The following STAG1 variants were observed in gnomAD, a reference collection of about 807,000 sequenced individuals.
STAG1 encodes STAG1 cohesin complex component.
Under a neutral mutation model 170.9 loss-of-function variants are expected in STAG1, and 26 were observed. The observed-to-expected ratio is 0.15, with a 90% confidence interval of 0.11 to 0.21. STAG1 has a LOEUF of 0.21. Ranked by LOEUF, STAG1 falls within the 10% of genes least tolerant of loss-of-function variation. STAG1 has a pLI of 1.00. For missense variants in STAG1, 964 were observed against 1,509.5 expected, an observed-to-expected ratio of 0.64 and a Z score of 5.99; for synonymous variants, 514 against 497.7, an observed-to-expected ratio of 1.03 and a Z score of -0.44.
chr3:136,592,704 G>A (rs1938245122), intron 4 of STAG1, among the ~76,000 whole-genome samples: 1 of 152,110 alleles, frequency 6.6e-6, no homozygotes, highest in Admixed American at 6.5e-5. Flanking sequence ...ATACTTCATG[G>A]TGGGTAAAAG....
chr3:136,623,698 T>C (rs957406435), intron 2 of STAG1, among the ~76,000 whole-genome samples: 1 of 152,018 alleles, frequency 6.6e-6, no homozygotes, highest in African/African-American at 2.4e-5. Flanking sequence ...CTCATGCCTA[T>C]AAATCTCAGC....
At chr3:136,699,546 AATTT>A (rs1942986850) in intron 1 of STAG1, among the ~76,000 whole-genome samples, 1 of 151,638 alleles carries the variant, frequency 6.6e-6, no homozygotes, top group African/African-American at 2.4e-5. Context: ...CACCACGTCT[AATTT>A]ATTTTTTTTT....
At chr3:136,442,719 A>C (rs747739207) in intron 15 of STAG1, among the ~76,000 whole-genome samples, 68 of 152,094 alleles carry the variant, frequency 4.5e-4, no homozygotes, top group Non-Finnish European at 7.1e-4. Flanking sequence ...AAGTTACGTC[A>C]GTATTTTGTA....
intron 13 of STAG1, among the ~76,000 whole-genome samples, chr3:136,457,876 G>A (rs752208644): frequency 3.3e-5 from 5 of 151,968 alleles, no homozygotes; most frequent in East Asian, 1.9e-4. Context: ...TGGGAGGATC[G>A]CTTGAGCTTA....
At chr3:136,358,950 C>A (rs568294931) in intron 27 of STAG1, among the ~76,000 whole-genome samples, 198 bp downstream of exon 27, 1 of 152,296 alleles carries the variant, frequency 6.6e-6, no homozygotes, top group East Asian at 1.9e-4. Context: ...GCTTTCCATA[C>A]TTTGTAAGAT....
At chr3:136,477,457 T>G (rs764958715) in intron 9 of STAG1, 45 bp from the exon 10 acceptor site, 7 of 1,512,432 alleles carry the variant, frequency 4.6e-6, no homozygotes, top group Non-Finnish European at 6.2e-6. Flanking sequence ...TATACAAAGC[T>G]AGAATGCATT....
intron 16 of STAG1, among the ~76,000 whole-genome samples, chr3:136,432,408 A>G (rs9812579): frequency 0.17 from 25,241 of 151,162 alleles, 2,785 homozygotes; most frequent in Non-Finnish European, 0.24. Flanking sequence ...TTTCCTGAGT[A>G]TGGTCACATT....
intron 3 of STAG1, among the ~76,000 whole-genome samples, chr3:136,613,771 C>A (rs761997112): frequency 6.6e-6 from 1 of 152,058 alleles, no homozygotes; most frequent in Non-Finnish European, 1.5e-5. Context: ...TACAGGTGTG[C>A]GCCACTGTGC....
chr3:136,541,980 C>A (rs943704464), intron 6 of STAG1, 139 bp downstream of exon 6: 4 of 651,076 alleles, frequency 6.1e-6, no homozygotes, highest in Non-Finnish European at 7.9e-6. Context: ...GGAATTAGTA[C>A]CACAGATTAT....
chr3:136,702,381 T>A (rs545619160), intron 1 of STAG1, among the ~76,000 whole-genome samples: 10 of 152,256 alleles, frequency 6.6e-5, no homozygotes, highest in African/African-American at 2.2e-4. Flanking sequence ...AGTTATAAAA[T>A]CACTTACAAT....
chr3:136,574,473 C>T (rs1347668836), intron 4 of STAG1, among the ~76,000 whole-genome samples: 1 of 151,888 alleles, frequency 6.6e-6, no homozygotes, highest in Admixed American at 6.6e-5. Context: ...CATACACACA[C>T]ATATATACAT....
At chr3:136,559,043 C>T (rs184282505) in intron 5 of STAG1, among the ~76,000 whole-genome samples, 2 of 151,966 alleles carry the variant, frequency 1.3e-5, no homozygotes, top group East Asian at 1.9e-4. Flanking sequence ...CAGGTAGAGG[C>T]CAAAGGCACT....
chr3:136,723,284 G>A lies in STAG1; in HGVS notation c.-84+28911C>T, dbSNP rs530588006. On this transcript the variant is annotated intron_variant, in intron 1 of 33. Coordinates refer to ENST00000383202, the MANE Select transcript of STAG1 (RefSeq NM_005862.3). The stretch of plus-strand genomic sequence containing the variant: ...CCGGCCGCCATCCCATCTAGGAAGT[G>A]AGGAGCGTCTCTGCCCGGCCGCCCA... Among the ~76,000 whole-genome samples, 1,080 of 151,958 alleles carry A rather than the reference G, an allele frequency of 7.1e-3. 15 individuals are homozygous for A. Among genetic ancestry groups the A allele is most frequent in the African/African-American group, 0.023 (969 of 41,426 alleles).
intron 4 of STAG1, among the ~76,000 whole-genome samples, chr3:136,583,721 A>G (rs1937663600): frequency 6.6e-6 from 1 of 152,206 alleles, no homozygotes; most frequent in Non-Finnish European, 1.5e-5. Flanking sequence ...CCCAGGAGGC[A>G]AAGGCTGCAG....
At chr3:136,548,600 G>A (rs1036907065) in intron 5 of STAG1, among the ~76,000 whole-genome samples, 3 of 152,078 alleles carry the variant, frequency 2.0e-5, no homozygotes, top group African/African-American at 4.8e-5. Context: ...TCACTGAATC[G>A]GTAAGACCAC....
intron 21 of STAG1, among the ~76,000 whole-genome samples, chr3:136,414,990 T>A (rs1044410653): frequency 2.6e-5 from 4 of 152,168 alleles, no homozygotes; most frequent in African/African-American, 4.8e-5. Context: ...AGGTCCACCA[T>A]CTTATGTGGG....
chr3:136,423,183 A>C (rs2088010169), intron 16 of STAG1, 139 bp from the exon 17 acceptor site: 4 of 551,296 alleles, frequency 7.3e-6, no homozygotes, highest in Non-Finnish European at 1.2e-5. Context: ...AACACAAGAA[A>C]GTTTATGCAA....
In STAG1 at chr3:136,502,161, A is replaced by G. The variant is rs140834787; in HGVS notation, c.828+467T>C. On this transcript the variant is annotated intron_variant, in intron 8 of 33. Coordinates refer to ENST00000383202, the MANE Select transcript of STAG1 (RefSeq NM_005862.3). ...CCATTGCACTCGAGCCTGGGCAACAAGAGCGAAACTCCATCCCCCAAAAAA... is the reference window on the plus strand; with the variant it reads ...CCATTGCACTCGAGCCTGGGCAACAGGAGCGAAACTCCATCCCCCAAAAAA... 5.9e-3 allele frequency among the ~76,000 whole-genome samples: 900 copies of G among 152,170 alleles called. 8 individuals are homozygous for G. The highest frequency in any genetic ancestry group is 9.0e-3 in the Non-Finnish European group (615 of 67,990).
chr3:136,529,887 G>A (rs963539268), intron 6 of STAG1, among the ~76,000 whole-genome samples: 6 of 152,118 alleles, frequency 3.9e-5, no homozygotes, highest in Admixed American at 3.9e-4. Flanking sequence ...GGGTCACATA[G>A]TAATATTAAC....
Sources: gnomAD v4.1 joint callset for allele counts (sites outside exome capture counted in the v4.1 genomes callset) on GRCh38, gnomAD v4.1.1 for gene constraint, MANE v1.5 for transcripts, NCBI Gene and HGNC (gene_info 2026-07-23, HGNC 2026-07-21) for gene names.